The following RPGRIP1L variants were observed in gnomAD, a reference collection of about 807,000 sequenced individuals.
RPGRIP1L encodes the protein RPGRIP1 like, also known as protein fantom.
Under a neutral mutation model 160.4 loss-of-function variants are expected in RPGRIP1L, and 131 were observed. The ratio of observed to expected loss-of-function variants is 0.82; its 90% CI spans 0.71 to 0.94. The LOEUF is 0.94. Ranked by LOEUF, RPGRIP1L falls within the 40% of genes least tolerant of loss-of-function variation. RPGRIP1L has a pLI of 0.00. For missense variants in RPGRIP1L, 1,522 were observed against 1,535.8 expected, an observed-to-expected ratio of 0.99 and a Z score of 0.15; for synonymous variants, 510 against 515.8, an observed-to-expected ratio of 0.99 and a Z score of 0.15.
chr16:53,662,984 T>C (rs1308895134), intron 10 of RPGRIP1L, among the ~76,000 whole-genome samples: 1 of 152,044 alleles, frequency 6.6e-6, no homozygotes, highest in East Asian at 1.9e-4. Flanking sequence ...ATGATTGTGA[T>C]GTAGATTTAT....
intron 24 of RPGRIP1L, 125 bp from the exon 25 acceptor site, chr16:53,611,176 C>A: frequency 1.4e-6 from 1 of 705,154 alleles, no homozygotes; most frequent in South Asian, 1.6e-5. Context: ...CACTTGCATG[C>A]CTGGGAAAAG....
rs1292113344 is a variant in RPGRIP1L at position 53,600,588 on chromosome 16, T to G, written c.*1488A>C. 1 of 152,674 alleles carries G rather than the reference T, an allele frequency of 6.5e-6. No homozygotes were observed. The highest frequency in any genetic ancestry group is 1.5e-5 in the Non-Finnish European group (1 of 68,046). 9.5% of individuals were successfully genotyped at this position (152,674 alleles called of 1,614,324 possible). A position where few individuals can be genotyped will look rare whatever the true frequency, so the allele number is the denominator to read the frequency against. On this transcript the variant is annotated 3_prime_UTR_variant, in exon 27 of 27. Transcript: ENST00000647211. ...GTACGGATGTCATTTCAAAGCCTTC[T>G]AAAGACGAGAGTCATTATTGAAGCC...
intron 10 of RPGRIP1L, among the ~76,000 whole-genome samples, chr16:53,662,918 T>C (rs976007478): frequency 6.6e-6 from 1 of 152,060 alleles, no homozygotes; most frequent in African/African-American, 2.4e-5. Context: ...CAATAGAAGA[T>C]TGTTAAATAA....
intron 3 of RPGRIP1L, chr16:53,693,780 C>G (rs1345211106): frequency 6.6e-6 from 1 of 152,096 alleles, no homozygotes; most frequent in African/African-American, 2.4e-5. Flanking sequence ...AGTTTAGGGT[C>G]CTAAGCCCCA....
intron 15 of RPGRIP1L, 106 bp from the exon 16 acceptor site, chr16:53,649,221 C>A (rs1057420155): frequency 4.3e-6 from 4 of 923,722 alleles, no homozygotes; most frequent in Non-Finnish European, 6.9e-6. Flanking sequence ...ACATTTTATG[C>A]TGAGTAAAAT....
chr16:53,671,554 CT>C lies in RPGRIP1L; in HGVS notation c.1058del (p.Lys353ArgfsTer6). ...ELQDRINDLEKERELLKENYD... is the reference protein window; with the variant it reads ...ELQDRINDLEXERELLKENYD... Reference sequence around the variant, plus strand: ...AGTTTTCCTTTAAAAGTTCCCGTTCCTTTTCTAAATCATTAATTCTATCCTG... The same window carrying C: ...AGTTTTCCTTTAAAAGTTCCCGTTCCTTTCTAAATCATTAATTCTATCCTG... On this transcript the variant is annotated frameshift_variant, in exon 9 of 27. Transcript: ENST00000647211. LOFTEE classifies it high-confidence loss of function. 6.4e-7 allele frequency: 1 copy of C among 1,572,906 alleles called. No homozygotes were observed. The highest frequency in any genetic ancestry group is 8.7e-7 in the Non-Finnish European group (1 of 1,145,164).
At chr16:53,666,306 G>GT in intron 9 of RPGRIP1L, among the ~76,000 whole-genome samples, 1 of 152,006 alleles carries the variant, frequency 6.6e-6, no homozygotes, top group Admixed American at 6.6e-5. Flanking sequence ...TATGACATCT[G>GT]TTTCTTCTAT....
intron 25 of RPGRIP1L, among the ~76,000 whole-genome samples, chr16:53,610,022 G>A (rs1041681592): frequency 1.3e-5 from 2 of 152,022 alleles, no homozygotes; most frequent in Non-Finnish European, 2.9e-5. Flanking sequence ...CACTGTTTTT[G>A]AGGCAGTGAG....
intron 6 of RPGRIP1L, among the ~76,000 whole-genome samples, chr16:53,680,466 G>A (rs1969519433): frequency 6.6e-6 from 1 of 151,962 alleles, no homozygotes; most frequent in Non-Finnish European, 1.5e-5. Context: ...GGGACCATTT[G>A]AGAACAAAGG....
At chr16:53,643,335 T>C (rs1166005816) in intron 17 of RPGRIP1L, among the ~76,000 whole-genome samples, 1 of 148,654 alleles carries the variant, frequency 6.7e-6, no homozygotes, top group Non-Finnish European at 1.5e-5. Context: ...GAAGTGGGCC[T>C]TGACAAGAGC....
At chr16:53,696,726 T>C (rs1970791364) in intron 2 of RPGRIP1L, among the ~76,000 whole-genome samples, 1 of 152,154 alleles carries the variant, frequency 6.6e-6, no homozygotes, top group African/African-American at 2.4e-5. Context: ...GCTATGAGTG[T>C]CTTAGAAAAC....
chr16:53,637,974 T>C lies in RPGRIP1L; in HGVS notation c.3061-120A>G. On this transcript the variant is annotated intron_variant, in intron 20 of 26. Transcript: ENST00000647211. The stretch of plus-strand genomic sequence containing the variant: ...TTTGAGACTTAAATATACAGATATG[T>C]AATATGTATGAGACTCAGAAAACAA... 7.3e-6 allele frequency: 7 copies of C among 955,580 alleles called. 1 individual carries two copies. The South Asian group carries it at 9.4e-5, about 13-fold the overall frequency. The allele number at this position is 955,580 out of a possible 1,614,324, so 59.2% of individuals were successfully genotyped here.
chr16:53,638,234 C>A, intron 20 of RPGRIP1L, 76 bp downstream of exon 20: 1 of 890,520 alleles, frequency 1.1e-6, no homozygotes, highest in South Asian at 1.4e-5. Flanking sequence ...CTTCCTGAGT[C>A]ATGTCAAAAC....
chr16:53,651,152 C>G (rs1966849606), intron 15 of RPGRIP1L, among the ~76,000 whole-genome samples: 1 of 152,164 alleles, frequency 6.6e-6, no homozygotes, highest in African/African-American at 2.4e-5. Context: ...TCCCAGTTTT[C>G]CCTATCTCAG....
intron 4 of RPGRIP1L, among the ~76,000 whole-genome samples, chr16:53,691,255 A>G (rs1332277687): frequency 1.3e-5 from 2 of 152,164 alleles, no homozygotes; most frequent in Non-Finnish European, 2.9e-5. Flanking sequence ...CTACTAGTTG[A>G]AATTTTAAAA....
At chr16:53,683,704 A>G (rs1195222918) in intron 6 of RPGRIP1L, among the ~76,000 whole-genome samples, 2 of 149,482 alleles carry the variant, frequency 1.3e-5, no homozygotes, top group African/African-American at 4.9e-5. Flanking sequence ...AAAAAAAAAA[A>G]AGAAAAAAAT....
In RPGRIP1L at chr16:53,598,725, G is replaced by A. The variant is rs1023532599; in HGVS notation, c.*3351C>T. 3 of 152,126 alleles carry A rather than the reference G, an allele frequency of 2.0e-5. No individual in the cohort carries two copies. Among genetic ancestry groups the A allele is most frequent in the African/African-American group, 4.8e-5 (2 of 41,412 alleles). The allele number at this position is 152,126 out of a possible 1,614,324, so 9.4% of individuals were successfully genotyped here. ...TGTTGCCCAATCTCTAATAAATCAC[G>A]GGTTTAGTTTTTCTTTGTTAAGGTA... On this transcript the variant is annotated 3_prime_UTR_variant, in exon 27 of 27. Transcript: ENST00000647211.
chr16:53,695,915 G>A (rs931736852), intron 3 of RPGRIP1L: 3 of 458,468 alleles, frequency 6.5e-6, no homozygotes, highest in South Asian at 2.4e-5. Flanking sequence ...TATACTAACG[G>A]CACTCTATTA....
chr16:53,690,405 C>G, intron 4 of RPGRIP1L, among the ~76,000 whole-genome samples: 1 of 152,072 alleles, frequency 6.6e-6, no homozygotes, highest in East Asian at 1.9e-4. Flanking sequence ...ACCGTGTTGG[C>G]CAGGATGGTC....
Sources: allele counts gnomAD v4.1 joint callset (sites outside exome capture counted in the v4.1 genomes callset), GRCh38; gene constraint gnomAD v4.1.1; transcripts MANE v1.5; gene names NCBI Gene and HGNC (gene_info 2026-07-23, HGNC 2026-07-21).